The following FTO variants were observed in gnomAD, a reference collection of about 807,000 sequenced individuals.
FTO encodes alpha-ketoglutarate-dependent dioxygenase FTO.
Under a neutral mutation model 63.9 loss-of-function variants are expected in FTO, and 47 were observed. The ratio of observed to expected loss-of-function variants is 0.74; its 90% confidence interval spans 0.58 to 0.94. FTO has a LOEUF of 0.94. FTO is among the 40% of genes least tolerant of loss of function. FTO has a pLI of 0.00. For synonymous variants in FTO, 207 were observed against 224.4 expected, an observed-to-expected ratio of 0.92 and a Z score of 0.69; for missense variants, 562 against 618.1, an observed-to-expected ratio of 0.91 and a Z score of 0.96.
At chr16:53,897,536 A>G (rs975462410) in intron 7 of FTO, among the ~76,000 whole-genome samples, 4 of 152,216 alleles carry the variant, frequency 2.6e-5, no homozygotes, top group African/African-American at 9.6e-5. Flanking sequence ...AAATTATGAA[A>G]TATCCAGAAT....
At chr16:53,817,353 G>A (rs1222453968) in intron 2 of FTO, among the ~76,000 whole-genome samples, 2 of 152,170 alleles carry the variant, frequency 1.3e-5, no homozygotes, top group East Asian at 1.9e-4. Context: ...TGGGTCAGAC[G>A]AGTGTTTAGC....
chr16:54,007,118 G>A (rs752393782), intron 8 of FTO, among the ~76,000 whole-genome samples: 6 of 152,140 alleles, frequency 3.9e-5, no homozygotes, highest in Non-Finnish European at 5.9e-5. Flanking sequence ...TATTAAGGCC[G>A]ATATGGTTTT....
chr16:54,034,834 C>T (rs561829100), intron 8 of FTO, among the ~76,000 whole-genome samples: 1 of 152,274 alleles, frequency 6.6e-6, no homozygotes, highest in African/African-American at 2.4e-5. Context: ...TAAAGCTGGT[C>T]TCTGTAACTA....
At chr16:54,002,550 C>T (rs976770372) in intron 8 of FTO, among the ~76,000 whole-genome samples, 4 of 152,222 alleles carry the variant, frequency 2.6e-5, no homozygotes, top group African/African-American at 9.6e-5. Context: ...AGGAAAGCAG[C>T]ACAGGCGTTG....
At chr16:53,986,199 A>G (rs2083663328) in intron 8 of FTO, among the ~76,000 whole-genome samples, 2 of 152,346 alleles carry the variant, frequency 1.3e-5, no homozygotes, top group South Asian at 4.1e-4. Context: ...TCTGTTTAAA[A>G]TAACCACCAT....
intron 1 of FTO, among the ~76,000 whole-genome samples, chr16:53,772,229 C>G (rs1023555864): frequency 2.6e-5 from 4 of 151,898 alleles, no homozygotes; most frequent in African/African-American, 9.7e-5. Flanking sequence ...TCTTTTTAAC[C>G]CACTCAGACT....
At chr16:53,714,370 T>C (rs1438576584) in intron 1 of FTO, among the ~76,000 whole-genome samples, 1 of 152,206 alleles carries the variant, frequency 6.6e-6, no homozygotes, top group Admixed American at 6.5e-5. Context: ...CTCTGCTGAA[T>C]TGGGCATGAT....
At chr16:53,757,774 T>G (rs1326558109) in intron 1 of FTO, among the ~76,000 whole-genome samples, 1 of 152,194 alleles carries the variant, frequency 6.6e-6, no homozygotes, top group African/African-American at 2.4e-5. Flanking sequence ...TTTCAATCTC[T>G]TTTTCTTTCT....
At chr16:53,804,444 T>C (rs1269637328) in intron 1 of FTO, among the ~76,000 whole-genome samples, 1 of 152,188 alleles carries the variant, frequency 6.6e-6, no homozygotes, top group Non-Finnish European at 1.5e-5. Flanking sequence ...CCATTCAAAA[T>C]TCTACTTTCG....
chr16:53,752,520 TC>T (rs1346845139), intron 1 of FTO, among the ~76,000 whole-genome samples: 1 of 152,176 alleles, frequency 6.6e-6, no homozygotes, highest in Admixed American at 6.5e-5. Flanking sequence ...AAATCTTAAT[TC>T]AAAAGGGTAG....
chr16:54,112,070 A>G lies in FTO; in HGVS notation c.*155A>G, dbSNP rs1353059340. The G allele has an allele frequency of 1.3e-6, 1 of 778,966 alleles. No individual in the cohort carries two copies. Among genetic ancestry groups the G allele is most frequent in the Non-Finnish European group, 2.2e-6 (1 of 458,902 alleles). The allele number at this position is 778,966 out of a possible 1,614,324, so 48.3% of individuals were successfully genotyped here. On this transcript the variant is annotated 3_prime_UTR_variant, in exon 9 of 9. Coordinates refer to ENST00000471389, the MANE Select transcript of FTO (RefSeq NM_001080432.3). The stretch of plus-strand genomic sequence containing the variant: ...AAACAGCTAGGAAATGGTGCCCATG[A>G]AGTTTTAAATGTTTTAAAATGACCC...
At position 54,023,605 on chromosome 16, in the gene FTO, G is replaced by A. The variant is rs190257604; in HGVS notation, c.1365-88157G>A. 7.2e-5 allele frequency among the ~76,000 whole-genome samples: 11 copies of A among 152,302 alleles called. No individual in the cohort carries two copies. In the East Asian group the frequency reaches 7.7e-4, roughly 11 times the overall value. On this transcript the variant is annotated intron_variant, in intron 8 of 8. Coordinates refer to ENST00000471389, the MANE Select transcript of FTO (RefSeq NM_001080432.3). ...AAGAGCCTTCCGTTGCTAAGCCTCC[G>A]TTCCTTCGTAGCATTCTCGTTAATC... is the stretch of plus-strand genomic sequence containing the variant.
chr16:53,861,231 T>C (rs1283011165), intron 4 of FTO, among the ~76,000 whole-genome samples: 2 of 152,226 alleles, frequency 1.3e-5, no homozygotes, highest in African/African-American at 4.8e-5. Context: ...GTACATACTC[T>C]GTTGTCAGAC....
At chr16:54,007,561 A>G (rs774909796) in intron 8 of FTO, among the ~76,000 whole-genome samples, 6 of 152,248 alleles carry the variant, frequency 3.9e-5, no homozygotes, top group Non-Finnish European at 5.9e-5. Flanking sequence ...ATCATTAGTT[A>G]CTGTTATTAA....
At chr16:53,723,607 C>T (rs1567930001) in intron 1 of FTO, among the ~76,000 whole-genome samples, 1 of 152,176 alleles carries the variant, frequency 6.6e-6, no homozygotes, top group Non-Finnish European at 1.5e-5. Context: ...CCCCATGCCT[C>T]ATCACAAGTA....
At chr16:53,734,043 AAAACGTATTTAC>A (rs1451136497) in intron 1 of FTO, among the ~76,000 whole-genome samples, 2 of 152,250 alleles carry the variant, frequency 1.3e-5, no homozygotes, top group East Asian at 3.8e-4. Context: ...AACTCATGAC[AAAACGTATTTAC>A]AAAGTAAGTA....
chr16:53,762,342 A>G (rs1446718220), intron 1 of FTO, among the ~76,000 whole-genome samples: 1 of 151,744 alleles, frequency 6.6e-6, no homozygotes, highest in East Asian at 1.9e-4. Flanking sequence ...ATAGTCCCAC[A>G]TATTCTGTAG....
At chr16:54,105,683 TC>T (rs2086734655) in intron 8 of FTO, among the ~76,000 whole-genome samples, 1 of 152,216 alleles carries the variant, frequency 6.6e-6, no homozygotes. Flanking sequence ...TTCTCCTCTT[TC>T]CCACTGAAGA....
chr16:53,948,185 C>T lies in FTO; in HGVS notation c.1364+14076C>T, dbSNP rs112579177. 7.5e-3 allele frequency among the ~76,000 whole-genome samples: 1,139 copies of T among 152,118 alleles called. 22 individuals carry two copies. Among genetic ancestry groups the T allele is most frequent in the African/African-American group, 0.026 (1,082 of 41,498 alleles). On this transcript the variant is annotated intron_variant, in intron 8 of 8. Coordinates refer to ENST00000471389, the MANE Select transcript of FTO (RefSeq NM_001080432.3). Reference sequence around the variant, plus strand: ...AAGAGTGCCTCAGATCATTACACTGCGGCTGTATAAGAGACCTGGTTTGGA... The same window carrying T: ...AAGAGTGCCTCAGATCATTACACTGTGGCTGTATAAGAGACCTGGTTTGGA...
Sources: gnomAD v4.1 joint callset for allele counts (sites outside exome capture counted in the v4.1 genomes callset) on GRCh38, gnomAD v4.1.1 for gene constraint, MANE v1.5 for transcripts, NCBI Gene and HGNC (gene_info 2026-07-23, HGNC 2026-07-21) for gene names.